IQCJ: variants seen among roughly 807,000 people sequenced by gnomAD.
IQCJ encodes the protein IQ domain-containing protein J.
IQCJ carries 9 observed loss-of-function variants against 11.0 expected under a neutral mutation model. The ratio of observed to expected loss-of-function variants is 0.82; its 90% CI spans 0.49 to 1.43. The LOEUF is 1.43. Among genes scored for constraint, IQCJ ranks in the 40% most tolerant of loss-of-function variants. The probability of loss-of-function intolerance (pLI) is 0.00; values close to 1 mark genes in which losing one functional copy is unlikely to be tolerated. For synonymous variants in IQCJ, 55 were observed against 51.3 expected, an observed-to-expected ratio of 1.07 and a Z score of -0.31; for missense variants, 146 against 133.2, an observed-to-expected ratio of 1.10 and a Z score of -0.47.
Position 159,207,548 on chromosome 3 carries a change from C to T in IQCJ, c.10-38295C>T, listed in dbSNP as rs182102826. Among the ~76,000 whole-genome samples the T allele has an allele frequency of 2.2e-3, 340 of 152,256 alleles. 1 individual carries two copies. Among genetic ancestry groups the T allele is most frequent in the Non-Finnish European group, 3.6e-3 (242 of 67,986 alleles). On this transcript the variant is annotated intron_variant, in intron 1 of 3. Transcript: ENST00000397832. Reference sequence around the variant, plus strand: ...ATAGATGACTTTGAAACTCACTTGTCTGTTGTTGCCTTGATGGGTTTCAAA... The same window carrying T: ...ATAGATGACTTTGAAACTCACTTGTTTGTTGTTGCCTTGATGGGTTTCAAA...
chr3:159,077,486 T>G (rs949925980), intron 1 of IQCJ, among the ~76,000 whole-genome samples: 3 of 152,140 alleles, frequency 2.0e-5, no homozygotes, highest in Non-Finnish European at 4.4e-5. Flanking sequence ...AAATAATTTA[T>G]GTTATATCCA....
Position 159,144,206 on chromosome 3 carries a change from T to C in IQCJ, c.9+74765T>C, listed in dbSNP as rs191291938. 3.9e-5 allele frequency among the ~76,000 whole-genome samples: 6 copies of C among 152,304 alleles called. No individual in the cohort carries two copies. In the East Asian group the frequency reaches 1.2e-3, roughly 29 times the overall value. On this transcript the variant is annotated intron_variant, in intron 1 of 3. Transcript: ENST00000397832. ...AAAGGGAAATTGATGTTCTGATAGATGAAGTGACCCAAAGAAGCTTGAACA... is the reference window on the plus strand; with the variant it reads ...AAAGGGAAATTGATGTTCTGATAGACGAAGTGACCCAAAGAAGCTTGAACA...
chr3:159,079,124 G>A (rs1299918373), intron 1 of IQCJ, among the ~76,000 whole-genome samples: 1 of 151,998 alleles, frequency 6.6e-6, no homozygotes, highest in Non-Finnish European at 1.5e-5. Context: ...ATTCTTCCCT[G>A]GAAACACAAA....
chr3:159,216,196 T>C (rs2108105171), intron 1 of IQCJ, among the ~76,000 whole-genome samples: 1 of 152,148 alleles, frequency 6.6e-6, no homozygotes, highest in East Asian at 1.9e-4. Context: ...CCACCGATTG[T>C]CTAGTGTCAA....
chr3:159,092,894 G>A (rs1717434539), intron 1 of IQCJ, among the ~76,000 whole-genome samples: 1 of 151,464 alleles, frequency 6.6e-6, no homozygotes, highest in Admixed American at 6.6e-5. Flanking sequence ...GAAGTTTCAC[G>A]ATCTCTACAG....
rs756597764 is a variant in IQCJ, at chr3:159,252,747, C to T, written c.95C>T (p.Ala32Val). The T allele has an allele frequency of 1.9e-6, 3 of 1,611,412 alleles. No homozygotes were observed. Among genetic ancestry groups the T allele is most frequent in the Admixed American group, 1.7e-5 (1 of 59,734 alleles). ...TCTAGTCACCAGCTGGCCATGGATG[C>T]AGAGAATAATATTGAAAAGTATCCC... is the stretch of plus-strand genomic sequence containing the variant. ...SFENHQLAMD[A>V]ENNIEKYPLN... The change falls in exon 3 of 4, where the codon GCA becomes GTA. Residue 32 changes from alanine to valine, a missense_variant. Ala to Val is a moderately conservative substitution (Grantham distance 64). Coordinates refer to ENST00000397832, the MANE Select transcript of IQCJ (RefSeq NM_001042706.3).
At chr3:159,169,342 T>C (rs1376591985) in intron 1 of IQCJ, among the ~76,000 whole-genome samples, 8 of 138,268 alleles carry the variant, frequency 5.8e-5, no homozygotes. Flanking sequence ...TGGAGTGGAA[T>C]GGTGTGATCT....
chr3:159,214,626 C>T (rs1359498865), intron 1 of IQCJ, among the ~76,000 whole-genome samples: 1 of 152,158 alleles, frequency 6.6e-6, no homozygotes, highest in Non-Finnish European at 1.5e-5. Flanking sequence ...TCCACCCATT[C>T]ACATATGTTC....
chr3:159,181,022 C>T (rs1356059244), intron 1 of IQCJ, among the ~76,000 whole-genome samples: 3 of 151,680 alleles, frequency 2.0e-5, no homozygotes, highest in African/African-American at 7.3e-5. Flanking sequence ...TCTCCTCTTC[C>T]CTTCATAGCT....
At chr3:159,083,114 C>T (rs2108061730) in intron 1 of IQCJ, among the ~76,000 whole-genome samples, 1 of 152,180 alleles carries the variant, frequency 6.6e-6, no homozygotes, top group South Asian at 2.1e-4. Context: ...TCAAATTGGA[C>T]ATTATCAACA....
chr3:159,213,563 C>G (rs1166401903), intron 1 of IQCJ, among the ~76,000 whole-genome samples: 1 of 152,096 alleles, frequency 6.6e-6, no homozygotes, highest in Non-Finnish European at 1.5e-5. Flanking sequence ...AACAATTGAA[C>G]TTGTTTATGC....
intron 2 of IQCJ, among the ~76,000 whole-genome samples, chr3:159,249,331 TCTGCTTTATTATCCAGAGGA>T (rs1226184776): frequency 6.6e-6 from 1 of 152,236 alleles, no homozygotes; most frequent in Non-Finnish European, 1.5e-5. Context: ...CCCTACTCTT[TCTGCTTTATTATCCAGAGGA>T]CTGAGAAAGC....
At chr3:159,105,383 G>A (rs772024354) in intron 1 of IQCJ, among the ~76,000 whole-genome samples, 16 of 152,224 alleles carry the variant, frequency 1.1e-4, no homozygotes, top group East Asian at 9.7e-4. Context: ...GTAGGCTGAC[G>A]GGGAAGATAA....
chr3:159,178,381 A>G (rs1473171723), intron 1 of IQCJ, among the ~76,000 whole-genome samples: 1 of 152,216 alleles, frequency 6.6e-6, no homozygotes, highest in African/African-American at 2.4e-5. Flanking sequence ...CTTGTTACCC[A>G]GTAATGAAAC....
intron 1 of IQCJ, among the ~76,000 whole-genome samples, chr3:159,222,378 C>T (rs1297513597): frequency 6.6e-6 from 1 of 152,166 alleles, no homozygotes; most frequent in African/African-American, 2.4e-5. Flanking sequence ...ATTTGTGACA[C>T]TATGGATGAA....
At position 159,262,653 on chromosome 3, in the gene IQCJ, C is replaced by T. The variant is rs763804161; in HGVS notation, c.261C>T (p.Ser87=). 1.4e-5 allele frequency: 22 copies of T among 1,613,870 alleles called. No homozygotes were observed. The highest frequency in any genetic ancestry group is 3.3e-5 in the Admixed American group (2 of 60,008). Residue 87 remains serine, a synonymous_variant, in exon 4 of 4, where the codon AGC becomes AGT. Transcript: ENST00000397832. The part of the protein sequence containing the change: ...VSSEKLSSSV[S]MNTFSDSSTP... ...CAGAGAAGCTGAGCAGCTCTGTCAG[C>T]ATGAACACCTTCTCCGACAGCAGCA...
intron 1 of IQCJ, among the ~76,000 whole-genome samples, chr3:159,090,416 C>T (rs1362852477): frequency 6.6e-6 from 1 of 151,862 alleles, no homozygotes; most frequent in Non-Finnish European, 1.5e-5. Context: ...ATTTGGCCAT[C>T]TTGGCTCCTC....
intron 1 of IQCJ, among the ~76,000 whole-genome samples, chr3:159,078,471 A>G (rs1716091109): frequency 6.6e-6 from 1 of 152,002 alleles, no homozygotes; most frequent in African/African-American, 2.4e-5. Context: ...TGAGGTTTGG[A>G]AAAGTTAAGT....
intron 1 of IQCJ, among the ~76,000 whole-genome samples, chr3:159,137,915 T>C (rs957779530): frequency 6.6e-6 from 1 of 152,216 alleles, no homozygotes; most frequent in African/African-American, 2.4e-5. Context: ...CATAACCCTT[T>C]AGATTTCTGT....
Sources: gnomAD v4.1 joint callset for allele counts (sites outside exome capture counted in the v4.1 genomes callset) on GRCh38, gnomAD v4.1.1 for gene constraint, MANE v1.5 for transcripts, NCBI Gene and HGNC (gene_info 2026-07-23, HGNC 2026-07-21) for gene names.